The following PCLO variants were observed in gnomAD, a reference collection of about 807,000 sequenced individuals.
PCLO encodes the protein protein piccolo.
A neutral mutation model predicts 427.5 loss-of-function variants in PCLO; 82 were observed. The ratio of observed to expected loss-of-function variants is 0.19; its 90% CI spans 0.16 to 0.23. The LOEUF is 0.23. Among genes scored for constraint, PCLO ranks in the 10% least tolerant of loss-of-function variants. The pLI is 1.00. For missense variants in PCLO, 6,239 were observed against 6,115.9 expected (o/e 1.02, Z -0.67); for synonymous variants, 2,357 against 2,155.4 (o/e 1.09, Z -2.59).
intron 3 of PCLO, among the ~76,000 whole-genome samples, chr7:82,985,171 T>C (rs1796230811): frequency 6.6e-6 from 1 of 151,904 alleles, no homozygotes; most frequent in African/African-American, 2.4e-5. Context: ...TAAAGGCTGA[T>C]GGTATAGTGC....
chr7:82,968,882 C>A lies in PCLO; in HGVS notation c.3301-2395G>T, dbSNP rs17156932. 9.1e-3 allele frequency among the ~76,000 whole-genome samples: 1,390 copies of A among 152,156 alleles called. 20 individuals carry two copies. The highest frequency in any genetic ancestry group is 0.032 in the African/African-American group (1,326 of 41,512). On this transcript the variant is annotated intron_variant, in intron 3 of 24. Transcript: ENST00000333891. ...ATGGCTGCATTACCGTGCTGATTTGCCACATGGATTCTAAAAACGAAATAC... is the reference window on the plus strand; with the variant it reads ...ATGGCTGCATTACCGTGCTGATTTGACACATGGATTCTAAAAACGAAATAC...
chr7:82,938,181 A>G (rs540216502), intron 6 of PCLO, among the ~76,000 whole-genome samples: 1 of 152,060 alleles, frequency 6.6e-6, no homozygotes, highest in African/African-American at 2.4e-5. Context: ...GAAATACAGA[A>G]ATGTTTAATT....
At chr7:83,056,807 T>C (rs1339905924) in intron 3 of PCLO, among the ~76,000 whole-genome samples, 2 of 152,038 alleles carry the variant, frequency 1.3e-5, no homozygotes, top group African/African-American at 2.4e-5. Flanking sequence ...TGATGCTTAA[T>C]CCACTGCTCT....
intron 3 of PCLO, among the ~76,000 whole-genome samples, chr7:83,044,688 A>G (rs1726159818): frequency 6.6e-6 from 1 of 152,170 alleles, no homozygotes; most frequent in African/African-American, 2.4e-5. Context: ...GAAATATTAT[A>G]CTGATTGGTA....
intron 9 of PCLO, 119 bp from the exon 10 acceptor site, chr7:82,879,581 T>C: frequency 5.9e-6 from 4 of 681,540 alleles, no homozygotes; most frequent in Non-Finnish European, 4.9e-6. Flanking sequence ...AACATGAATA[T>C]TGGAAATGAA....
chr7:83,012,481 G>C (rs533008711), intron 3 of PCLO, among the ~76,000 whole-genome samples: 39 of 152,028 alleles, frequency 2.6e-4, no homozygotes, highest in African/African-American at 8.9e-4. Context: ...GCCAGGAGTG[G>C]TGGCGGGCAC....
At chr7:83,088,435 T>G (rs1447453061) in intron 3 of PCLO, among the ~76,000 whole-genome samples, 4 of 152,192 alleles carry the variant, frequency 2.6e-5, no homozygotes, top group Non-Finnish European at 2.9e-5. Flanking sequence ...GAGGGCCCAG[T>G]AAGGAACAGG....
chr7:83,005,593 T>C (rs1460928551), intron 3 of PCLO, among the ~76,000 whole-genome samples: 1 of 151,604 alleles, frequency 6.6e-6, no homozygotes, highest in African/African-American at 2.4e-5. Flanking sequence ...GACAAAAAAG[T>C]ACAAACAAGC....
Position 82,873,179 on chromosome 7 carries a change from G to GTT in PCLO, c.13654+6156_13654+6157dup, listed in dbSNP as rs59328364. The stretch of plus-strand genomic sequence containing the variant: ...GGCTGTTTGCTATATTATTCTGTAA[G>GTT]TTTTTTTTTTTTTTTTTTTTTGTAC... On this transcript the variant is annotated intron_variant, in intron 10 of 24. Transcript: ENST00000333891. 6.5e-4 allele frequency among the ~76,000 whole-genome samples: 72 copies of GTT among 110,098 alleles called. 1 individual carries two copies. Among genetic ancestry groups the GTT allele is most frequent in the East Asian group, 1.5e-3 (6 of 3,890 alleles). 72.2% of individuals were successfully genotyped at this position (110,098 alleles called of 152,430 possible).
intron 3 of PCLO, among the ~76,000 whole-genome samples, chr7:83,039,925 T>C (rs190306857): frequency 2.3e-4 from 35 of 152,282 alleles, no homozygotes; most frequent in South Asian, 6.2e-4. Context: ...TACTTTGTGA[T>C]GCTATTATAA....
intron 10 of PCLO, among the ~76,000 whole-genome samples, chr7:82,855,989 A>G (rs1465154015): frequency 2.6e-5 from 4 of 152,094 alleles, no homozygotes; most frequent in African/African-American, 4.8e-5. Context: ...GTGACTCTCA[A>G]TGTAGGCAAA....
intron 3 of PCLO, among the ~76,000 whole-genome samples, chr7:83,019,564 G>T (rs1004353653): frequency 6.6e-6 from 1 of 151,814 alleles, no homozygotes; most frequent in Non-Finnish European, 1.5e-5. Context: ...ATGGGCAAGA[G>T]TTCCAGGTAA....
chr7:82,831,846 C>T (rs1792100989), intron 16 of PCLO, among the ~76,000 whole-genome samples: 1 of 152,150 alleles, frequency 6.6e-6, no homozygotes, highest in South Asian at 2.1e-4. Flanking sequence ...TCTTCAATAA[C>T]AGTTGTTTTA....
chr7:82,820,583 G>A (rs1791767834), intron 20 of PCLO: 1 of 1,227,854 alleles, frequency 8.1e-7, no homozygotes, highest in Non-Finnish European at 1.0e-6. Context: ...AGTGGAAAAT[G>A]TCTGTTTGTA....
At chr7:82,812,883 CAGAT>C (rs1425449128) in intron 20 of PCLO, among the ~76,000 whole-genome samples, 5 of 150,870 alleles carry the variant, frequency 3.3e-5, no homozygotes, top group Non-Finnish European at 5.9e-5. Flanking sequence ...ATTAGGCTGT[CAGAT>C]AGGTATTTCC....
At chr7:83,107,462 AT>A (rs1254889847) in intron 3 of PCLO, among the ~76,000 whole-genome samples, 3 of 143,156 alleles carry the variant, frequency 2.1e-5, no homozygotes, top group African/African-American at 8.1e-5. Flanking sequence ...GACTTAAGTT[AT>A]AAATTAATCA....
intron 3 of PCLO, among the ~76,000 whole-genome samples, chr7:83,010,566 T>G (rs1428366097): frequency 6.6e-6 from 1 of 150,424 alleles, no homozygotes; most frequent in East Asian, 1.9e-4. Flanking sequence ...ATTGTATATA[T>G]GTAAGTAATT....
intron 2 of PCLO, among the ~76,000 whole-genome samples, chr7:83,139,252 TA>T (rs940946278): frequency 5.9e-5 from 9 of 152,134 alleles, no homozygotes; most frequent in South Asian, 4.1e-4. Flanking sequence ...ATTCTACATA[TA>T]AAAAAAATCT....
chr7:83,068,136 A>G (rs1312411927), intron 3 of PCLO, among the ~76,000 whole-genome samples: 1 of 152,176 alleles, frequency 6.6e-6, no homozygotes, highest in African/African-American at 2.4e-5. Flanking sequence ...AAACCAAAGT[A>G]AAAATTTCTT....
Sources: allele counts gnomAD v4.1 joint callset (sites outside exome capture counted in the v4.1 genomes callset), GRCh38; gene constraint gnomAD v4.1.1; transcripts MANE v1.5; gene names NCBI Gene and HGNC (gene_info 2026-07-23, HGNC 2026-07-21).